SKAP2: variants seen among roughly 807,000 people sequenced by gnomAD.
The protein encoded by SKAP2 is src kinase-associated phosphoprotein 2.
SKAP2 carries 28 observed loss-of-function variants against 54.9 expected under a neutral mutation model. The ratio of observed to expected loss-of-function variants is 0.51; its 90% confidence interval spans 0.38 to 0.70. The LOEUF is 0.70. Among genes scored for constraint, SKAP2 ranks in the 30% least tolerant of loss-of-function variants. The pLI, the probability that SKAP2 is intolerant of heterozygous loss-of-function variation, is 0.00. For missense variants in SKAP2, 356 were observed against 424.1 expected, an observed-to-expected ratio of 0.84 and a Z score of 1.41; for synonymous variants, 137 against 134.3, an observed-to-expected ratio of 1.02 and a Z score of -0.14.
At chr7:26,785,152 A>G in intron 4 of SKAP2, among the ~76,000 whole-genome samples, 1 of 152,084 alleles carries the variant, frequency 6.6e-6, no homozygotes, top group African/African-American at 2.4e-5. Context: ...TTCTGGAAAA[A>G]AGATCATGCC....
At chr7:26,716,192 T>C (rs1277022253) in intron 9 of SKAP2, among the ~76,000 whole-genome samples, 1 of 152,166 alleles carries the variant, frequency 6.6e-6, no homozygotes, top group Non-Finnish European at 1.5e-5. Flanking sequence ...CCTTACTTAT[T>C]TTTTGCCTCC....
chr7:26,854,040 A>T, intron 3 of SKAP2, 97 bp downstream of exon 3: 1 of 782,154 alleles, frequency 1.3e-6, no homozygotes. Context: ...TCTAAATTTT[A>T]ATTCCAACTA....
Position 26,730,241 on chromosome 7 carries a change from G to T in SKAP2, c.470-3235C>A, listed in dbSNP as rs548947920. On this transcript the variant is annotated intron_variant, in intron 6 of 12. Transcript: ENST00000345317. ...GTCATAAGAATTTACATATAGATTA[G>T]TTCCACAATTGCTTTTTGGGATAGT... Among the ~76,000 whole-genome samples, 5 of 152,266 alleles carry T rather than the reference G, an allele frequency of 3.3e-5. No individual in the cohort carries two copies. The East Asian group carries it at 7.7e-4, about 24-fold the overall frequency.
intron 4 of SKAP2, among the ~76,000 whole-genome samples, chr7:26,801,838 T>C (rs1450161851): frequency 6.6e-6 from 1 of 152,236 alleles, no homozygotes; most frequent in African/African-American, 2.4e-5. Context: ...AAAATACTTA[T>C]AAAGAAAATT....
At chr7:26,701,190 C>CT (rs1787014306) in intron 9 of SKAP2, among the ~76,000 whole-genome samples, 1 of 152,146 alleles carries the variant, frequency 6.6e-6, no homozygotes. Flanking sequence ...TTATTTGAAT[C>CT]TTTGTCAATC....
At chr7:26,759,001 A>G (rs1413324038) in intron 4 of SKAP2, among the ~76,000 whole-genome samples, 1 of 152,208 alleles carries the variant, frequency 6.6e-6, no homozygotes, top group Non-Finnish European at 1.5e-5. Flanking sequence ...ATGAATCTAA[A>G]TTTGTTGATA....
At chr7:26,862,676 G>A (rs1785294246) in intron 1 of SKAP2, among the ~76,000 whole-genome samples, 1 of 151,960 alleles carries the variant, frequency 6.6e-6, no homozygotes, top group South Asian at 2.1e-4. Context: ...AAGGGCCACA[G>A]GAAATACTTG....
chr7:26,802,772 T>C (rs10250321), intron 4 of SKAP2, among the ~76,000 whole-genome samples: 12,937 of 151,952 alleles, frequency 0.085, 616 homozygotes, highest in Middle Eastern at 0.16. Flanking sequence ...TCCCAGCTAC[T>C]CGGGAGGGTG....
intron 11 of SKAP2, among the ~76,000 whole-genome samples, chr7:26,679,838 T>C (rs1207512423): frequency 6.6e-6 from 1 of 152,206 alleles, no homozygotes; most frequent in African/African-American, 2.4e-5. Context: ...TCAATGACAG[T>C]CACAATTCAC....
Position 26,844,031 on chromosome 7 carries a change from A to G in SKAP2, c.306T>C (p.Asp102=). The G allele has an allele frequency of 5.0e-6, 8 of 1,589,000 alleles. No individual in the cohort carries two copies. The highest frequency in any genetic ancestry group is 6.9e-6 in the Non-Finnish European group (8 of 1,157,460). The change falls in exon 4 of 13, where the codon GAT becomes GAC. Residue 102 remains aspartate (D), a splice_region_variant and synonymous_variant. Coordinates refer to ENST00000345317, the MANE Select transcript of SKAP2 (RefSeq NM_003930.5). ...GTTACGTGGGAAAATGTCACATACC[A>G]TCAGAGGGGGCTTCATCGTCTTTAT... ...RYDKDDEAPS[D]GAQFPPIAAQ...
At chr7:26,662,865 A>G (rs760188233), downstream of SKAP2, among the ~76,000 whole-genome samples, 4 of 152,116 alleles carry the variant, frequency 2.6e-5, no homozygotes, top group Non-Finnish European at 4.4e-5. Context: ...ATGTAGAGCG[A>G]TAAGAATTGT....
chr7:26,669,141 C>A lies in SKAP2; in HGVS notation c.*525G>T, dbSNP rs938768258. 4.6e-5 allele frequency: 7 copies of A among 152,022 alleles called. No individual in the cohort carries two copies. The highest frequency in any genetic ancestry group is 1.5e-5 in the Non-Finnish European group (1 of 67,984). The allele number at this position is 152,022 out of a possible 1,614,324, so 9.4% of individuals were successfully genotyped here. ...TTAAATGTGTGAAAATAAATAATAACAATAAAGTTATCTATAAAGTTTGAA... is the reference window on the plus strand; with the variant it reads ...TTAAATGTGTGAAAATAAATAATAAAAATAAAGTTATCTATAAAGTTTGAA... On this transcript the variant is annotated 3_prime_UTR_variant, in exon 13 of 13. Transcript: ENST00000345317.
downstream of SKAP2, among the ~76,000 whole-genome samples, chr7:26,663,454 T>TA (rs1277446067): frequency 6.6e-6 from 1 of 152,120 alleles, no homozygotes; most frequent in Non-Finnish European, 1.5e-5. Flanking sequence ...TGCTTGGGTG[T>TA]CCACGGAATA....
intron 1 of SKAP2, among the ~76,000 whole-genome samples, chr7:26,855,960 C>T (rs911746059): frequency 3.9e-5 from 6 of 151,968 alleles, no homozygotes; most frequent in Non-Finnish European, 7.4e-5. Context: ...AACAATATTA[C>T]GTATAAATAG....
At chr7:26,674,333 C>T (rs893939831) in intron 11 of SKAP2, among the ~76,000 whole-genome samples, 4 of 152,076 alleles carry the variant, frequency 2.6e-5, no homozygotes, top group African/African-American at 9.7e-5. Flanking sequence ...TTCATAAACA[C>T]TGTAATACTA....
chr7:26,829,603 T>C (rs1237915066), intron 4 of SKAP2, among the ~76,000 whole-genome samples: 1 of 151,978 alleles, frequency 6.6e-6, no homozygotes, highest in Non-Finnish European at 1.5e-5. Context: ...AGAAAAGAAT[T>C]TGAAGTGGGC....
chr7:26,665,552 T>A (rs1786091145), downstream of SKAP2, among the ~76,000 whole-genome samples: 1 of 152,174 alleles, frequency 6.6e-6, no homozygotes, highest in African/African-American at 2.4e-5. Context: ...CCACACCATA[T>A]AATGTGTACC....
chr7:26,719,394 T>A (rs1415863343), intron 9 of SKAP2, among the ~76,000 whole-genome samples: 2 of 152,094 alleles, frequency 1.3e-5, no homozygotes, highest in Admixed American at 1.3e-4. Flanking sequence ...TCCAAAAAGA[T>A]AGAGAAGTCA....
intron 3 of SKAP2, among the ~76,000 whole-genome samples, chr7:26,853,610 T>A (rs998839388): frequency 6.6e-6 from 1 of 152,138 alleles, no homozygotes; most frequent in Admixed American, 6.5e-5. Context: ...TGTATTCATA[T>A]CAAAATAACC....
Sources: gnomAD v4.1 joint callset for allele counts (sites outside exome capture counted in the v4.1 genomes callset) on GRCh38, gnomAD v4.1.1 for gene constraint, MANE v1.5 for transcripts, NCBI Gene and HGNC (gene_info 2026-07-23, HGNC 2026-07-21) for gene names.